The following MAPKAP1 variants were observed in gnomAD, a reference collection of about 807,000 sequenced individuals.
The protein encoded by MAPKAP1 is MAPK associated protein 1.
MAPKAP1 carries 20 observed loss-of-function variants against 65.7 expected under a neutral mutation model. The ratio of observed to expected loss-of-function variants is 0.30; its 90% CI spans 0.21 to 0.44. The LOEUF (loss-of-function observed/expected upper bound fraction) is 0.44. Among genes scored for constraint, MAPKAP1 ranks in the 20% least tolerant of loss-of-function variants. MAPKAP1 has a pLI of 1.00. For missense variants in MAPKAP1, 423 were observed against 648.0 expected, an observed-to-expected ratio of 0.65 and a Z score of 3.77; for synonymous variants, 222 against 244.3, an observed-to-expected ratio of 0.91 and a Z score of 0.85.
chr9:125,590,226 GA>G (rs1831914779), intron 4 of MAPKAP1, among the ~76,000 whole-genome samples: 1 of 152,198 alleles, frequency 6.6e-6, no homozygotes, highest in African/African-American at 2.4e-5. Context: ...TAGAGATGCA[GA>G]GCAGTATGCC....
chr9:125,453,108 A>C (rs1219941717), intron 10 of MAPKAP1, among the ~76,000 whole-genome samples: 2 of 152,216 alleles, frequency 1.3e-5, no homozygotes, highest in African/African-American at 4.8e-5. Flanking sequence ...CCCAGGCTAG[A>C]GTGCAGTGGC....
chr9:125,458,688 A>G (rs530766118), intron 10 of MAPKAP1, among the ~76,000 whole-genome samples: 1,501 of 149,438 alleles, frequency 0.01, 14 homozygotes, highest in Non-Finnish European at 0.017. Context: ...CTATTCCACA[A>G]AACCGCCATC....
chr9:125,693,526 CACATATACACACACATATAT>C (rs1404200550), intron 1 of MAPKAP1, among the ~76,000 whole-genome samples: 34 of 100,612 alleles, frequency 3.4e-4, no homozygotes, highest in Admixed American at 1.2e-3. Context: ...CACATATATA[CACATATACACACACATATAT>C]ACATATACAC....
chr9:125,689,477 T>C (rs1835098345), intron 1 of MAPKAP1, among the ~76,000 whole-genome samples: 1 of 126,804 alleles, frequency 7.9e-6, no homozygotes, highest in Admixed American at 9.3e-5. Context: ...CCAGGCACAG[T>C]GGCTCACGCC....
chr9:125,444,364 C>T (rs1472936745), intron 11 of MAPKAP1, 137 bp downstream of exon 11: 5 of 654,788 alleles, frequency 7.6e-6, no homozygotes, highest in African/African-American at 5.5e-5. Flanking sequence ...CAAGCTGCGA[C>T]ACTCCTCCTC....
Position 125,707,195 on chromosome 9 carries a change from G to T in MAPKAP1, c.-294C>A, listed in dbSNP as rs981416511. The T allele has an allele frequency of 7.6e-6, 3 of 396,488 alleles. No homozygotes were observed. Among genetic ancestry groups the T allele is most frequent in the Non-Finnish European group, 1.3e-5 (3 of 224,980 alleles). 24.6% of individuals were successfully genotyped at this position (396,488 alleles called of 1,614,324 possible). Reference sequence around the variant, plus strand: ...GGCCGAGCAGCAGCCCTATTACCCCGAGCCGCACACGACCCGGAACCACAC... The same window carrying T: ...GGCCGAGCAGCAGCCCTATTACCCCTAGCCGCACACGACCCGGAACCACAC... On this transcript the variant is annotated 5_prime_UTR_variant, in exon 1 of 12. Coordinates refer to ENST00000265960, the MANE Select transcript of MAPKAP1 (RefSeq NM_001006617.3).
chr9:125,481,897 G>A (rs930066682), intron 9 of MAPKAP1, among the ~76,000 whole-genome samples: 3 of 151,806 alleles, frequency 2.0e-5, no homozygotes, highest in East Asian at 1.9e-4. Context: ...TTGGGAGGCC[G>A]AGGTGGGTGG....
chr9:125,696,527 G>T (rs1031524154), intron 1 of MAPKAP1: 1 of 151,032 alleles, frequency 6.6e-6, no homozygotes, highest in Non-Finnish European at 1.5e-5. Flanking sequence ...GACAAAACTA[G>T]TTAGGCCTTA....
chr9:125,684,275 A>G (rs1461355328), intron 1 of MAPKAP1, among the ~76,000 whole-genome samples: 3 of 152,194 alleles, frequency 2.0e-5, no homozygotes, highest in African/African-American at 7.2e-5. Context: ...GAGACATTTA[A>G]GCAATCAATA....
At chr9:125,490,466 G>C (rs1187766328) in intron 8 of MAPKAP1, among the ~76,000 whole-genome samples, 1 of 152,022 alleles carries the variant, frequency 6.6e-6, no homozygotes, top group African/African-American at 2.4e-5. Context: ...TTACACCCGG[G>C]AGGCAGAGGT....
chr9:125,471,199 G>C (rs563430853), intron 9 of MAPKAP1: 1 of 152,362 alleles, frequency 6.6e-6, no homozygotes, highest in East Asian at 1.9e-4. Flanking sequence ...CACGGGAGCA[G>C]CCCTCTTCCT....
At chr9:125,454,073 A>G (rs535151028) in intron 10 of MAPKAP1, among the ~76,000 whole-genome samples, 7 of 152,354 alleles carry the variant, frequency 4.6e-5, no homozygotes, top group African/African-American at 1.7e-4. Context: ...CAACTGGTTC[A>G]GCTTGCAATT....
intron 7 of MAPKAP1, among the ~76,000 whole-genome samples, chr9:125,534,219 T>C (rs773222581): frequency 2.1e-4 from 32 of 152,180 alleles, no homozygotes; most frequent in Non-Finnish European, 2.1e-4. Flanking sequence ...GTATAACCTA[T>C]ATGTATATCT....
chr9:125,569,687 C>T (rs1831169422), intron 5 of MAPKAP1, among the ~76,000 whole-genome samples: 1 of 152,212 alleles, frequency 6.6e-6, no homozygotes, highest in African/African-American at 2.4e-5. Flanking sequence ...TTTCCTGGCC[C>T]TGTTCTTCCA....
rs561600271 is a variant in MAPKAP1, at chr9:125,525,013, C to T, written c.958+18046G>A. 1.4e-4 allele frequency among the ~76,000 whole-genome samples: 22 copies of T among 152,322 alleles called. 1 individual carries two copies. The South Asian group carries it at 3.7e-3, about 26-fold the overall frequency. ...CTGGAAAAGCCCAAATGAGCAGCTG[C>T]GCAGACAGATGCACACATTCTGGGC... On this transcript the variant is annotated intron_variant, in intron 7 of 11. Coordinates refer to ENST00000265960, the MANE Select transcript of MAPKAP1 (RefSeq NM_001006617.3).
rs62570207 is a variant in MAPKAP1 at position 125,556,900 on chromosome 9, C to T, written c.848+2733G>A. Among the ~76,000 whole-genome samples the T allele has an allele frequency of 2.9e-4, 44 of 152,248 alleles. No individual in the cohort carries two copies. The East Asian group carries it at 7.5e-3, about 26-fold the overall frequency. ...CAGTAATCTGTACTATTTCATCAGA[C>T]GACTGAGAAAAAGAAAATTTATTGA... is the stretch of plus-strand genomic sequence containing the variant. On this transcript the variant is annotated intron_variant, in intron 6 of 11. Coordinates refer to ENST00000265960, the MANE Select transcript of MAPKAP1 (RefSeq NM_001006617.3).
intron 4 of MAPKAP1, among the ~76,000 whole-genome samples, chr9:125,607,436 T>G (rs1832470137): frequency 6.6e-6 from 1 of 152,234 alleles, no homozygotes; most frequent in East Asian, 1.9e-4. Flanking sequence ...CCATATTAGC[T>G]TATGTAATCT....
intron 6 of MAPKAP1, among the ~76,000 whole-genome samples, chr9:125,545,201 T>C (rs543536948): frequency 1.3e-5 from 2 of 152,354 alleles, no homozygotes; most frequent in South Asian, 4.1e-4. Context: ...CTTTAAAAGT[T>C]TATTTTACTG....
intron 8 of MAPKAP1, among the ~76,000 whole-genome samples, chr9:125,495,519 A>C (rs973959840): frequency 2.6e-5 from 4 of 152,224 alleles, no homozygotes; most frequent in Non-Finnish European, 5.9e-5. Flanking sequence ...AGAGTCCCCA[A>C]TTACATTTTC....
Sources: gnomAD v4.1 joint callset for allele counts (sites outside exome capture counted in the v4.1 genomes callset) on GRCh38, gnomAD v4.1.1 for gene constraint, MANE v1.5 for transcripts, NCBI Gene and HGNC (gene_info 2026-07-23, HGNC 2026-07-21) for gene names.